Variants in DTWD2 observed in about 807,000 individuals in gnomAD.
DTWD2 encodes DTW motif tRNA-uridine aminocarboxypropyltransferase 2, also known as tRNA-uridine aminocarboxypropyltransferase 2.
A neutral mutation model predicts 31.8 loss-of-function variants in DTWD2; 39 were observed. That is an observed-to-expected ratio of 1.22 (90% CI 0.95 to 1.60). The LOEUF is 1.60. Among genes scored for constraint, DTWD2 ranks in the 40% most tolerant of loss-of-function variants. The pLI, the probability that DTWD2 is intolerant of heterozygous loss-of-function variation, is 0.00. For missense variants in DTWD2, 515 were observed against 381.5 expected (o/e 1.35, Z -2.92); for synonymous variants, 180 against 142.8 (o/e 1.26, Z -1.86).
In DTWD2 at chr5:118,913,492, G is replaced by A. The variant is rs75584203; in HGVS notation, c.597+15045C>T. On this transcript the variant is annotated intron_variant, in intron 4 of 5. Transcript: ENST00000510708. ...CTCTGGAGAACTGACTCATCAGTGAGTATGGTCTATAGAGTTTTAAAATTA... is the reference window on the plus strand; with the variant it reads ...CTCTGGAGAACTGACTCATCAGTGAATATGGTCTATAGAGTTTTAAAATTA... 2.1e-3 allele frequency among the ~76,000 whole-genome samples: 311 copies of A among 149,300 alleles called. 9 individuals carry two copies. The highest frequency in any genetic ancestry group is 2.6e-3 in the Non-Finnish European group (177 of 67,494).
chr5:118,895,163 T>C (rs953515540), intron 4 of DTWD2, among the ~76,000 whole-genome samples: 17 of 152,118 alleles, frequency 1.1e-4, no homozygotes, highest in African/African-American at 4.1e-4. Flanking sequence ...TAAGTAAAGT[T>C]GCAAGATGGG....
At chr5:118,929,093 C>T (rs1436556483) in intron 3 of DTWD2, among the ~76,000 whole-genome samples, 2 of 152,208 alleles carry the variant, frequency 1.3e-5, no homozygotes, top group East Asian at 1.9e-4. Context: ...CTGGCACTGC[C>T]TAACAATCCT....
intron 5 of DTWD2, 78 bp downstream of exon 5, chr5:118,848,012 A>T (rs1489710044): frequency 7.2e-7 from 1 of 1,383,662 alleles, no homozygotes; most frequent in Admixed American, 2.8e-5. Context: ...TTACAAATTT[A>T]ACAAGCATGT....
chr5:118,985,517 T>TATATATATATATATATATAC lies in DTWD2; in HGVS notation c.218+2776_218+2777insGTATATATATATATATATAT, dbSNP rs1554072595. ...ATATATATATATATATATATATATATACACACACATATATACATACATATA... is the reference window on the plus strand; with the variant it reads ...ATATATATATATATATATATATATATATATATATATATATATATACACACACACATATATACATACATATA... On this transcript the variant is annotated intron_variant, in intron 1 of 5. Transcript: ENST00000510708. 4.8e-3 allele frequency among the ~76,000 whole-genome samples: 519 copies of TATATATATATATATATATAC among 107,484 alleles called. 2 individuals carry two copies. The highest frequency in any genetic ancestry group is 7.5e-3 in the Non-Finnish European group (368 of 48,990). The allele number at this position is 107,484 out of a possible 152,430, so 70.5% of individuals were successfully genotyped here.
At position 118,974,122 on chromosome 5, in the gene DTWD2, C is replaced by T; in HGVS notation, c.218+14172G>A. 3.8e-6 allele frequency: 6 copies of T among 1,578,948 alleles called. No individual in the cohort carries two copies. The South Asian group carries it at 6.9e-5, about 18-fold the overall frequency. On this transcript the variant is annotated intron_variant, in intron 1 of 5. Coordinates refer to ENST00000510708, the MANE Select transcript of DTWD2 (RefSeq NM_173666.4). ...AGAAGCAGAAGACCGACGAGGATGACTAGACAGCAAAAAAGGAAAAGTTAA... is the reference window on the plus strand; with the variant it reads ...AGAAGCAGAAGACCGACGAGGATGATTAGACAGCAAAAAAGGAAAAGTTAA...
intron 4 of DTWD2, among the ~76,000 whole-genome samples, chr5:118,894,040 C>CA (rs201404024): frequency 0.11 from 10,494 of 96,636 alleles, 467 homozygotes; most frequent in African/African-American, 0.17. Context: ...GACTCTGTCT[C>CA]AAAAAAAAAA....
At chr5:118,870,555 G>T (rs1007832415) in intron 4 of DTWD2, among the ~76,000 whole-genome samples, 1 of 152,126 alleles carries the variant, frequency 6.6e-6, no homozygotes, top group Non-Finnish European at 1.5e-5. Context: ...ATAGCATTTT[G>T]TCAAAAAAAT....
At chr5:118,923,019 T>C (rs755962510) in intron 4 of DTWD2, among the ~76,000 whole-genome samples, 1 of 152,174 alleles carries the variant, frequency 6.6e-6, no homozygotes, top group Non-Finnish European at 1.5e-5. Flanking sequence ...TACTGCCAGG[T>C]AGGCATTCAA....
intron 4 of DTWD2, among the ~76,000 whole-genome samples, chr5:118,900,903 C>T (rs1216317510): frequency 7.3e-6 from 1 of 137,416 alleles, no homozygotes; most frequent in Non-Finnish European, 1.5e-5. Flanking sequence ...CCAGCCTGGG[C>T]AACAGAGTGA....
At chr5:118,850,196 G>C (rs975756390) in intron 4 of DTWD2, among the ~76,000 whole-genome samples, 17 of 150,944 alleles carry the variant, frequency 1.1e-4, no homozygotes, top group African/African-American at 4.1e-4. Context: ...AGGTGGAGTG[G>C]CTCACACCTG....
Position 118,836,235 on chromosome 5 carries a change from TTTTATTTA to T in DTWD2, c.*4674_*4681del, listed in dbSNP as rs1189978103. Among the ~76,000 whole-genome samples, 14 of 152,216 alleles carry T rather than the reference TTTTATTTA, an allele frequency of 9.2e-5. No individual in the cohort carries two copies. Among genetic ancestry groups the T allele is most frequent in the African/African-American group, 2.4e-5 (1 of 41,542 alleles). ...CGTTGTTAGTTCAAGTGAATCTTAT[TTTTATTTA>T]TTTATTTATTTATTTGAGACACTGT... On this transcript the variant is annotated 3_prime_UTR_variant, in exon 6 of 6. Transcript: ENST00000510708.
In DTWD2 at chr5:118,973,883, G is replaced by A. The variant is rs1554071625; in HGVS notation, c.218+14411C>T. On this transcript the variant is annotated intron_variant, in intron 1 of 5. Transcript: ENST00000510708. ...GGAAGTTGTGGAAGAGGCAGAAAAT[G>A]GAAGAGACGCCCCTGCTAACGGGAA... The A allele has an allele frequency of 8.7e-6, 14 of 1,610,564 alleles. No individual in the cohort carries two copies. In the South Asian group the frequency reaches 1.5e-4, roughly 18 times the overall value.
chr5:118,892,109 T>A (rs936871547), intron 4 of DTWD2, among the ~76,000 whole-genome samples: 1 of 152,160 alleles, frequency 6.6e-6, no homozygotes, highest in African/African-American at 2.4e-5. Flanking sequence ...ATTTTATTTT[T>A]CTTTTCCAAA....
chr5:118,979,779 A>G (rs972184032), intron 1 of DTWD2, among the ~76,000 whole-genome samples: 7 of 152,254 alleles, frequency 4.6e-5, no homozygotes, highest in African/African-American at 1.7e-4. Context: ...GTTCTCACTT[A>G]TAAGCGGGAG....
intron 4 of DTWD2, among the ~76,000 whole-genome samples, chr5:118,874,823 G>C (rs1290421666): frequency 2.6e-5 from 4 of 152,106 alleles, no homozygotes; most frequent in African/African-American, 9.7e-5. Context: ...CCCAAAGCTA[G>C]CTAGAGAGGC....
chr5:118,923,184 G>A (rs2149576279), intron 4 of DTWD2, among the ~76,000 whole-genome samples: 1 of 152,140 alleles, frequency 6.6e-6, no homozygotes, highest in South Asian at 2.1e-4. Context: ...TAGTTAGATA[G>A]GCATGAGCAG....
intron 1 of DTWD2, among the ~76,000 whole-genome samples, chr5:118,947,000 A>T (rs919854892): frequency 6.6e-6 from 1 of 152,108 alleles, no homozygotes. Context: ...CCTCAGCCTC[A>T]AAAAGTACTG....
intron 4 of DTWD2, among the ~76,000 whole-genome samples, chr5:118,897,635 A>T (rs1561446577): frequency 6.6e-6 from 1 of 152,212 alleles, no homozygotes; most frequent in Non-Finnish European, 1.5e-5. Flanking sequence ...ATGCAGCAAT[A>T]GATAACTGCA....
At chr5:118,852,073 C>T (rs1254451271) in intron 4 of DTWD2, among the ~76,000 whole-genome samples, 1 of 152,108 alleles carries the variant, frequency 6.6e-6, no homozygotes, top group Non-Finnish European at 1.5e-5. Flanking sequence ...TATCAATATT[C>T]CTTGCTAGGA....
Sources: gnomAD v4.1 joint callset for allele counts (sites outside exome capture counted in the v4.1 genomes callset) on GRCh38, gnomAD v4.1.1 for gene constraint, MANE v1.5 for transcripts, NCBI Gene and HGNC (gene_info 2026-07-23, HGNC 2026-07-21) for gene names.